TCF12: variants seen among roughly 807,000 people sequenced by gnomAD.
The protein encoded by TCF12 is transcription factor 12.
A neutral mutation model predicts 86.0 loss-of-function variants in TCF12; 45 were observed. The ratio of observed to expected loss-of-function variants is 0.52; its 90% CI spans 0.41 to 0.67. The LOEUF (loss-of-function observed/expected upper bound fraction) is 0.67. Ranked by LOEUF, TCF12 falls within the 30% of genes least tolerant of loss-of-function variation. The pLI, the probability that TCF12 is intolerant of heterozygous loss-of-function variation, is 0.00. For missense variants in TCF12, 881 were observed against 859.9 expected, an observed-to-expected ratio of 1.02 and a Z score of -0.31; for synonymous variants, 330 against 299.6, an observed-to-expected ratio of 1.10 and a Z score of -1.05.
intron 3 of TCF12, among the ~76,000 whole-genome samples, chr15:57,047,970 A>T (rs1336563594): frequency 6.7e-6 from 1 of 150,012 alleles, no homozygotes; most frequent in Non-Finnish European, 1.5e-5. Flanking sequence ...TAACACAGTG[A>T]TGAGTATTTG....
At chr15:57,160,775 C>G (rs78355115) in intron 5 of TCF12, among the ~76,000 whole-genome samples, 2,582 of 152,242 alleles carry the variant, frequency 0.017, 33 homozygotes, top group Middle Eastern at 0.041. Context: ...TCACTGCGGC[C>G]TCAAACTCCC....
chr15:57,101,664 T>A (rs1369274464), intron 5 of TCF12, among the ~76,000 whole-genome samples: 1 of 152,240 alleles, frequency 6.6e-6, no homozygotes, highest in Non-Finnish European at 1.5e-5. Flanking sequence ...TAAATCTTTA[T>A]CTTGAAAAAT....
intron 4 of TCF12, among the ~76,000 whole-genome samples, chr15:57,065,900 A>G (rs1386631012): frequency 6.6e-6 from 1 of 152,156 alleles, no homozygotes; most frequent in Admixed American, 6.5e-5. Flanking sequence ...AGAACCACAT[A>G]TGTATTTCTA....
intron 3 of TCF12, among the ~76,000 whole-genome samples, chr15:56,999,702 C>T (rs903008359): frequency 2.0e-5 from 3 of 151,824 alleles, no homozygotes; most frequent in African/African-American, 4.8e-5. Context: ...GGTGAGACCC[C>T]GTCTTTACTA....
rs1738451624 is a variant in TCF12 at position 57,273,200 on chromosome 15, C to G, written c.1916C>G (p.Thr639Arg). 1 of 1,614,180 alleles carries G rather than the reference C, an allele frequency of 6.2e-7. No homozygotes were observed. Among genetic ancestry groups the G allele is most frequent in the Non-Finnish European group, 8.5e-7 (1 of 1,180,022 alleles). The change falls in exon 19 of 21, where the codon ACA becomes AGA. Residue 639 changes from threonine to arginine, a missense_variant. Around this residue, in one of 3 missense-constraint regions of TCF12, gnomAD observed 46 missense variants for 76.7 expected, o/e 0.60. Transcript: ENST00000333725. ...CACTTGAAGAGTGAAAAACCCCAAA[C>G]AAAACTCCTTATTCTTCATCAAGCC... is the stretch of plus-strand genomic sequence containing the variant. ...QLHLKSEKPQTKLLILHQAVA... is the reference protein window; with the variant it reads ...QLHLKSEKPQRKLLILHQAVA...
chr15:57,111,889 G>C (rs114469467), intron 5 of TCF12, among the ~76,000 whole-genome samples: 20 of 152,240 alleles, frequency 1.3e-4, no homozygotes, highest in African/African-American at 4.8e-4. Context: ...CACCGCACCT[G>C]GCTGGCTTGT....
At chr15:57,028,832 TGTGTCGCCCAGGCTGAGGTGCA>T (rs1444934183) in intron 3 of TCF12, among the ~76,000 whole-genome samples, 11 of 152,202 alleles carry the variant, frequency 7.2e-5, no homozygotes, top group African/African-American at 2.6e-4. Flanking sequence ...GCAGTCTCAC[TGTGTCGCCCAGGCTGAGGTGCA>T]GTAATGCGAT....
chr15:57,130,593 G>C (rs1374420300), intron 5 of TCF12, among the ~76,000 whole-genome samples: 1 of 152,116 alleles, frequency 6.6e-6, no homozygotes, highest in South Asian at 2.1e-4. Context: ...GAAGAGAGCC[G>C]TCAATTTTCT....
chr15:57,085,993 T>C (rs1452374943), intron 4 of TCF12, among the ~76,000 whole-genome samples: 1 of 152,076 alleles, frequency 6.6e-6, no homozygotes, highest in Non-Finnish European at 1.5e-5. Flanking sequence ...CTGAGGTCTA[T>C]GGAGAAACTG....
At chr15:57,217,487 G>C (rs1468900016) in intron 8 of TCF12, among the ~76,000 whole-genome samples, 1 of 152,084 alleles carries the variant, frequency 6.6e-6, no homozygotes, top group Admixed American at 6.6e-5. Flanking sequence ...AAACAACATA[G>C]TAAGTACCCT....
intron 3 of TCF12, among the ~76,000 whole-genome samples, chr15:56,967,770 A>G (rs529761298): frequency 6.6e-6 from 1 of 152,320 alleles, no homozygotes; most frequent in East Asian, 1.9e-4. Context: ...TCAAGTATCA[A>G]GGCAGATGCT....
chr15:57,097,735 A>G (rs553628559), intron 5 of TCF12, among the ~76,000 whole-genome samples: 74 of 152,290 alleles, frequency 4.9e-4, no homozygotes, highest in Non-Finnish European at 9.1e-4. Context: ...TCATTGATCT[A>G]CATTCTCTGA....
At chr15:57,223,366 T>C (rs2058691536) in intron 8 of TCF12, among the ~76,000 whole-genome samples, 2 of 151,994 alleles carry the variant, frequency 1.3e-5, no homozygotes, top group Admixed American at 1.3e-4. Flanking sequence ...CCAATGTGTA[T>C]TTGGATATGT....
intron 4 of TCF12, among the ~76,000 whole-genome samples, chr15:57,070,684 G>T (rs1246866902): frequency 1.3e-5 from 2 of 152,150 alleles, no homozygotes; most frequent in Non-Finnish European, 2.9e-5. Context: ...TTTCGTTAAT[G>T]TGGAAGAGTT....
Position 57,170,767 on chromosome 15 carries a change from ATATTATATATAAT to A in TCF12, c.390+4302_390+4314del, listed in dbSNP as rs1567559785. Among the ~76,000 whole-genome samples the A allele has an allele frequency of 1.4e-3, 19 of 13,472 alleles. 2 individuals are homozygous for A. The highest frequency in any genetic ancestry group is 3.3e-3 in the African/African-American group (12 of 3,600). 8.8% of individuals were successfully genotyped at this position (13,472 alleles called of 152,430 possible). The stretch of plus-strand genomic sequence containing the variant: ...ATATTATATATTATATATTATATAT[ATATTATATATAAT>A]ATATATATATAATATATATATATAA... On this transcript the variant is annotated intron_variant, in intron 6 of 20. Transcript: ENST00000333725.
At chr15:57,122,703 TG>T in intron 5 of TCF12, among the ~76,000 whole-genome samples, 1 of 152,246 alleles carries the variant, frequency 6.6e-6, no homozygotes. Context: ...TTCCTGGTTT[TG>T]TTTTTGTTAG....
chr15:57,055,548 C>T (rs1476865235), intron 3 of TCF12, among the ~76,000 whole-genome samples: 1 of 152,052 alleles, frequency 6.6e-6, no homozygotes, highest in East Asian at 1.9e-4. Context: ...GATATTTTTG[C>T]TGAGTATAGA....
intron 8 of TCF12, among the ~76,000 whole-genome samples, chr15:57,208,380 C>CTTTTTTTTTTTTTTTTTTTTTTTTTTTTT (rs1184422578): frequency 9.1e-5 from 6 of 65,590 alleles, no homozygotes; most frequent in African/African-American, 2.7e-4. Flanking sequence ...CAAAAATATC[C>CTTTTTTTTTTTTTTTTTTTTTTTTTTTTT]TTTTTTTTTT....
intron 5 of TCF12, among the ~76,000 whole-genome samples, chr15:57,158,954 T>C (rs559024888): frequency 6.6e-6 from 1 of 152,194 alleles, no homozygotes; most frequent in African/African-American, 2.4e-5. Flanking sequence ...GTGAAGAAAA[T>C]AGGCAAGCAT....
Sources: allele counts gnomAD v4.1 joint callset (sites outside exome capture counted in the v4.1 genomes callset), GRCh38; gene constraint gnomAD v4.1.1; regional missense constraint gnomAD v4.1.1; transcripts MANE v1.5; gene names NCBI Gene and HGNC (gene_info 2026-07-23, HGNC 2026-07-21).